The following MCM5 variants were observed in gnomAD, a reference collection of about 807,000 sequenced individuals.
MCM5 encodes DNA replication licensing factor MCM5.
MCM5 carries 46 observed loss-of-function variants against 79.9 expected under a neutral mutation model. The ratio of observed to expected loss-of-function variants is 0.58; its 90% CI spans 0.45 to 0.74. The LOEUF is 0.74. Ranked by LOEUF, MCM5 falls within the 30% of genes least tolerant of loss-of-function variation. The probability of loss-of-function intolerance (pLI) is 0.00; values close to 1 mark genes in which losing one functional copy is unlikely to be tolerated. For missense variants in MCM5, 883 were observed against 1,017.0 expected (o/e 0.87, Z 1.79); for synonymous variants, 404 against 390.5 (o/e 1.03, Z -0.41).
chr22:35,449,577 T>C, the MCM5 span, among the ~76,000 whole-genome samples: 20,189 of 71,502 alleles, frequency 0.28, 1,573 homozygotes, highest in Non-Finnish European at 0.43. Flanking sequence ...AGCTGTGGCC[T>C]CTCTGTCCCA....
In MCM5 at chr22:35,400,654, C is replaced by T. The variant is rs768841840; in HGVS notation, c.167+49C>T. 21 of 1,519,352 alleles carry T rather than the reference C, an allele frequency of 1.4e-5. No homozygotes were observed. The East Asian group carries it at 4.8e-4, about 35-fold the overall frequency. The allele number at this position is 1,519,352 out of a possible 1,614,324, so 94.1% of individuals were successfully genotyped here. A position where few individuals can be genotyped will look rare whatever the true frequency, so the allele number is the denominator to read the frequency against. On this transcript the variant is annotated intron_variant, in intron 2 of 16. Transcript: ENST00000216122. The stretch of plus-strand genomic sequence containing the variant: ...GCTCGAGTTCCAGTGTGGCCGCTCA[C>T]ACGCCTCTACCAGCCTGCTAGAGTC...
chr22:35,420,339 A>G (rs947382424), intron 14 of MCM5, among the ~76,000 whole-genome samples: 1 of 152,210 alleles, frequency 6.6e-6, no homozygotes, highest in Non-Finnish European at 1.5e-5. Flanking sequence ...CCACTGTGTG[A>G]CTGTAGGGAA....
chr22:35,440,628 A>G, the MCM5 span, among the ~76,000 whole-genome samples: 1 of 152,210 alleles, frequency 6.6e-6, no homozygotes, highest in African/African-American at 2.4e-5. Context: ...GCAGCAATGC[A>G]AACTCCATTT....
intron 5 of MCM5, 35 bp downstream of exon 5, chr22:35,406,760 A>G: frequency 6.3e-7 from 1 of 1,596,850 alleles, no homozygotes; most frequent in East Asian, 2.2e-5. Flanking sequence ...GTGGGAGGTG[A>G]CCTGAGTGAA....
chr22:35,401,956 G>A, intron 2 of MCM5: 1 of 331,200 alleles, frequency 3.0e-6, no homozygotes, highest in South Asian at 2.3e-5. Context: ...CTCACAGCAA[G>A]TGGCTTTCAG....
the MCM5 span, among the ~76,000 whole-genome samples, chr22:35,442,176 C>T: frequency 6.6e-6 from 1 of 151,958 alleles, no homozygotes; most frequent in African/African-American, 2.4e-5. Context: ...CCCCACCTGA[C>T]ACCCCATGCC....
the MCM5 span, among the ~76,000 whole-genome samples, chr22:35,448,276 G>T: frequency 2.6e-5 from 4 of 152,216 alleles, no homozygotes; most frequent in African/African-American, 9.7e-5. Flanking sequence ...TGGCCTACGG[G>T]AAGGCGAAGT....
rs759264341 is a variant in MCM5, at chr22:35,412,539, C to CAGG, written c.961_963dup (p.Glu321dup). The CAGG allele has an allele frequency of 1.9e-6, 3 of 1,575,034 alleles. No homozygotes were observed. The highest frequency in any genetic ancestry group is 2.6e-6 in the Non-Finnish European group (3 of 1,158,326). ...CAGCTTTGCTGGGGCCGTGAGCCCC[C>CAGG]AGGAGGAGGAGGAGTTCCGTCGCCT... On this transcript the variant is annotated inframe_insertion, in exon 8 of 17. Coordinates refer to ENST00000216122, the MANE Select transcript of MCM5 (RefSeq NM_006739.4).
chr22:35,406,451 G>T, intron 4 of MCM5, 102 bp from the exon 5 acceptor site: 4 of 1,104,070 alleles, frequency 3.6e-6, no homozygotes, highest in Non-Finnish European at 5.3e-6. Flanking sequence ...CTGCAGCTCT[G>T]TGCCCACCTC....
rs368708649 is a variant in MCM5 at position 35,403,368 on chromosome 22, T to G, written c.294+35T>G. The G allele has an allele frequency of 5.3e-4, 857 of 1,613,968 alleles. 1 individual carries two copies. The highest frequency in any genetic ancestry group is 6.7e-4 in the Non-Finnish European group (792 of 1,179,964). ...ACCCCATCCCTGAGCTTCCCAGGGC[T>G]GCTCTGCCCCAGTTACTAATAGCCT... On this transcript the variant is annotated intron_variant, in intron 3 of 16. Coordinates refer to ENST00000216122, the MANE Select transcript of MCM5 (RefSeq NM_006739.4).
At chr22:35,429,445 C>T (rs1932798755), downstream of MCM5, among the ~76,000 whole-genome samples, 1 of 152,140 alleles carries the variant, frequency 6.6e-6, no homozygotes, top group Non-Finnish European at 1.5e-5. Flanking sequence ...ATATTATTGC[C>T]TTCAAGATTT....
chr22:35,407,804 G>A (rs903812091), intron 5 of MCM5, among the ~76,000 whole-genome samples: 1 of 152,154 alleles, frequency 6.6e-6, no homozygotes, highest in Non-Finnish European at 1.5e-5. Context: ...TAATATGATT[G>A]TTTGCTTGTA....
chr22:35,437,089 T>C, the MCM5 span, among the ~76,000 whole-genome samples: 1 of 152,192 alleles, frequency 6.6e-6, no homozygotes, highest in African/African-American at 2.4e-5. Context: ...AGTTGACACC[T>C]GCATGCAGAA....
chr22:35,435,305 C>T, the MCM5 span, among the ~76,000 whole-genome samples: 1 of 152,170 alleles, frequency 6.6e-6, no homozygotes, highest in Non-Finnish European at 1.5e-5. Flanking sequence ...CTCAGAACCC[C>T]AGGGGTCCAG....
chr22:35,431,746 A>T, the MCM5 span, among the ~76,000 whole-genome samples: 1 of 151,162 alleles, frequency 6.6e-6, no homozygotes, highest in African/African-American at 2.4e-5. Context: ...GGCTCCTGGA[A>T]CCCCCCAGCT....
chr22:35,418,312 G>T (rs1260116950), intron 13 of MCM5, among the ~76,000 whole-genome samples: 1 of 152,178 alleles, frequency 6.6e-6, no homozygotes, highest in African/African-American at 2.4e-5. Context: ...TAAATACTCA[G>T]TGAGTCGCAG....
intron 9 of MCM5, among the ~76,000 whole-genome samples, chr22:35,414,236 C>T (rs1194191812): frequency 3.3e-5 from 5 of 152,114 alleles, no homozygotes; most frequent in African/African-American, 9.7e-5. Context: ...TCACCCTGGC[C>T]AGAAATTGGC....
chr22:35,428,998 CTTTTTTG>C (rs1932795781), downstream of MCM5, among the ~76,000 whole-genome samples: 1 of 45,728 alleles, frequency 2.2e-5, no homozygotes, highest in African/African-American at 8.2e-5. Flanking sequence ...TTTTTTTTTT[CTTTTTTG>C]AGGCGGAATT....
At chr22:35,430,553 T>C in the MCM5 span, among the ~76,000 whole-genome samples, 1 of 145,674 alleles carries the variant, frequency 6.9e-6, no homozygotes, top group East Asian at 2.1e-4. Flanking sequence ...CAGGCTAGAG[T>C]GTGCAGTGGT....
Sources: allele counts gnomAD v4.1 joint callset (sites outside exome capture counted in the v4.1 genomes callset), GRCh38; gene constraint gnomAD v4.1.1; transcripts MANE v1.5; gene names NCBI Gene and HGNC (gene_info 2026-07-23, HGNC 2026-07-21).